The following MFN1 variants were observed in gnomAD, a reference collection of about 807,000 sequenced individuals.
MFN1 encodes mitofusin 1, also known as mitofusin-1.
MFN1 carries 65 observed loss-of-function variants against 92.4 expected under a neutral mutation model. That is an observed-to-expected ratio of 0.70 (90% CI 0.58 to 0.86). The LOEUF is 0.86. Among genes scored for constraint, MFN1 ranks in the 40% least tolerant of loss-of-function variants. MFN1 has a pLI of 0.00. For missense variants in MFN1, 781 were observed against 868.0 expected (o/e 0.90, Z 1.26); for synonymous variants, 297 against 300.9 (o/e 0.99, Z 0.13).
rs1712166956 is a variant in MFN1 at position 179,351,962 on chromosome 3, G to A, written c.175G>A (p.Gly59Arg). Residue 59 changes from glycine (G) to arginine (R), a missense_variant, in exon 3 of 18, where the codon GGA becomes AGA. Gly to Arg is a moderately radical substitution (Grantham distance 125, BLOSUM62 -2). Transcript: ENST00000471841. ...TGAAGATGATCTGGTAGAAATGCAA[G>A]GATATAAAGACAAGCTTTCCATCAT... ...ATEDDLVEMQGYKDKLSIIGE... is the reference protein window; with the variant it reads ...ATEDDLVEMQRYKDKLSIIGE... The A allele has an allele frequency of 6.2e-7, 1 of 1,610,214 alleles. No homozygotes were observed. The highest frequency in any genetic ancestry group is 1.3e-5 in the African/African-American group (1 of 74,830).
intron 3 of MFN1, among the ~76,000 whole-genome samples, chr3:179,353,815 G>A (rs1577001034): frequency 6.6e-6 from 1 of 152,124 alleles, no homozygotes; most frequent in Non-Finnish European, 1.5e-5. Context: ...CCCATCGTAG[G>A]GCTTTTGCCC....
At chr3:179,391,662 T>C (rs1175778606) in intron 17 of MFN1, among the ~76,000 whole-genome samples, 1 of 152,168 alleles carries the variant, frequency 6.6e-6, no homozygotes. Context: ...TTTCCTCTCT[T>C]GTGGGCATTT....
At chr3:179,369,565 T>C (rs536531995) in intron 9 of MFN1, among the ~76,000 whole-genome samples, 1 of 152,314 alleles carries the variant, frequency 6.6e-6, no homozygotes, top group East Asian at 1.9e-4. Flanking sequence ...TTCCCAAGAA[T>C]ATCTCGTTGA....
intron 17 of MFN1, 118 bp from the exon 18 acceptor site, chr3:179,391,861 ACT>A (rs796848652): frequency 2.1e-5 from 13 of 627,834 alleles, no homozygotes; most frequent in African/African-American, 2.0e-4. Flanking sequence ...GTATGATTCC[ACT>A]GTCTGTTATG....
chr3:179,364,521 G>T (rs915737313), intron 6 of MFN1, 116 bp downstream of exon 6: 4 of 764,856 alleles, frequency 5.2e-6, no homozygotes, highest in Non-Finnish European at 8.5e-6. Flanking sequence ...CTAAAAACAG[G>T]CATGAATGAA....
intron 7 of MFN1, among the ~76,000 whole-genome samples, chr3:179,366,386 T>G (rs996033147): frequency 1.1e-5 from 1 of 91,202 alleles, no homozygotes; most frequent in African/African-American, 3.4e-5. Flanking sequence ...CATCCTCAAC[T>G]TTTTTTTTTT....
chr3:179,385,006 C>T (rs867886367), intron 14 of MFN1, among the ~76,000 whole-genome samples: 6 of 147,788 alleles, frequency 4.1e-5, no homozygotes, highest in East Asian at 2.0e-4. Flanking sequence ...CCTGGGTTCA[C>T]GCCATTCTCC....
chr3:179,389,816 C>T (rs1224325660), intron 16 of MFN1, among the ~76,000 whole-genome samples, 188 bp from the exon 17 acceptor site: 2 of 152,044 alleles, frequency 1.3e-5, no homozygotes, highest in Non-Finnish European at 2.9e-5. Context: ...GAGGTAATAT[C>T]GTCTCTTGAG....
At chr3:179,365,529 A>G (rs1053761998) in intron 7 of MFN1, among the ~76,000 whole-genome samples, 3 of 152,198 alleles carry the variant, frequency 2.0e-5, no homozygotes, top group African/African-American at 4.8e-5. Flanking sequence ...TTGGCTTCCT[A>G]AAGTGCTGGG....
intron 9 of MFN1, among the ~76,000 whole-genome samples, chr3:179,373,145 T>C (rs946938017): frequency 6.6e-6 from 1 of 152,202 alleles, no homozygotes; most frequent in Non-Finnish European, 1.5e-5. Flanking sequence ...AGTTAAATAT[T>C]GACTAAATTA....
In MFN1 at chr3:179,387,693, A is replaced by G. The variant is rs367920826; in HGVS notation, c.2012+1064A>G. Among the ~76,000 whole-genome samples, 7 of 142,876 alleles carry G rather than the reference A, an allele frequency of 4.9e-5. No homozygotes were observed. In the South Asian group the frequency reaches 8.7e-4, roughly 18 times the overall value. The allele number at this position is 142,876 out of a possible 152,430, so 93.7% of individuals were successfully genotyped here. A position where few individuals can be genotyped will look rare whatever the true frequency, so the allele number is the denominator to read the frequency against. ...ACTGCAACCTCCACCTTCCTCATTC[A>G]AGTGAGTAGCTGGCGTGTGCCACCG... On this transcript the variant is annotated intron_variant, in intron 16 of 17. Transcript: ENST00000471841.
chr3:179,348,903 A>G lies in MFN1; in HGVS notation c.52A>G (p.Ile18Val). Residue 18 changes from isoleucine (I) to valine (V), a missense_variant, in exon 2 of 18, where the codon ATT becomes GTT. Transcript: ENST00000471841. ...LKHFVLAKKA[I>V]TAIFDQLLEF... ...GCACTTTGTGCTGGCTAAGAAGGCG[A>G]TTACTGCAATCTTTGACCAGTTACT... 6 of 1,607,006 alleles carry G rather than the reference A, an allele frequency of 3.7e-6. No homozygotes were observed. Among genetic ancestry groups the G allele is most frequent in the Non-Finnish European group, 5.1e-6 (6 of 1,174,456 alleles).
chr3:179,371,372 A>G (rs1440530354), intron 9 of MFN1, among the ~76,000 whole-genome samples: 1 of 151,294 alleles, frequency 6.6e-6, no homozygotes, highest in Non-Finnish European at 1.5e-5. Context: ...AAAAATCCAG[A>G]TATGATAGCT....
At position 179,393,739 on chromosome 3, in the gene MFN1, A is replaced by G. The variant is rs1421186321; in HGVS notation, c.*1680A>G. 6.6e-6 allele frequency: 1 copy of G among 152,266 alleles called. No individual in the cohort carries two copies. The highest frequency in any genetic ancestry group is 1.5e-5 in the Non-Finnish European group (1 of 68,046). The allele number at this position is 152,266 out of a possible 1,614,324, so 9.4% of individuals were successfully genotyped here. ...TCACGTACTGCTAATTTAGGTTACA[A>G]AACTCAAGGCTGTAACCTTTATATG... On this transcript the variant is annotated 3_prime_UTR_variant, in exon 18 of 18. Transcript: ENST00000471841.
intron 2 of MFN1, among the ~76,000 whole-genome samples, chr3:179,351,075 G>C (rs1341689183): frequency 1.3e-5 from 2 of 152,150 alleles, no homozygotes; most frequent in African/African-American, 4.8e-5. Context: ...AAAGTGCTAG[G>C]ATTATAGGCG....
chr3:179,384,900 C>CTTTTTT (rs35563595), intron 14 of MFN1, among the ~76,000 whole-genome samples: 8 of 84,650 alleles, frequency 9.5e-5, no homozygotes, highest in Admixed American at 1.5e-4. Context: ...TTTTGAAGTC[C>CTTTTTT]TTTTTTTTTT....
Position 179,392,482 on chromosome 3 carries a change from A to G in MFN1, c.*423A>G, listed in dbSNP as rs1416094858. 6.5e-6 allele frequency: 1 copy of G among 153,610 alleles called. No homozygotes were observed. The highest frequency in any genetic ancestry group is 2.4e-5 in the African/African-American group (1 of 41,466). The allele number at this position is 153,610 out of a possible 1,614,324, so 9.5% of individuals were successfully genotyped here. Reference sequence around the variant, plus strand: ...GTCACTTTTTTATTTAGTAAATCGCATTGCTGGAACCACCAAGGAGTGTGG... The same window carrying G: ...GTCACTTTTTTATTTAGTAAATCGCGTTGCTGGAACCACCAAGGAGTGTGG... On this transcript the variant is annotated 3_prime_UTR_variant, in exon 18 of 18. Coordinates refer to ENST00000471841, the MANE Select transcript of MFN1 (RefSeq NM_033540.3).
intron 13 of MFN1, 71 bp downstream of exon 13, chr3:179,378,514 C>G (rs1021442784): frequency 4.6e-6 from 7 of 1,523,528 alleles, no homozygotes; most frequent in East Asian, 2.3e-5. Context: ...GCTTATTTTC[C>G]TTTAGGCATT....
intron 14 of MFN1, among the ~76,000 whole-genome samples, chr3:179,385,242 AT>A (rs1713633765): frequency 7.0e-6 from 1 of 143,500 alleles, no homozygotes; most frequent in Admixed American, 6.9e-5. Flanking sequence ...TTAGTTTATC[AT>A]TTTTTGTTGT....
Sources: allele counts gnomAD v4.1 joint callset (sites outside exome capture counted in the v4.1 genomes callset), GRCh38; gene constraint gnomAD v4.1.1; transcripts MANE v1.5; gene names NCBI Gene and HGNC (gene_info 2026-07-23, HGNC 2026-07-21).